NBAS: variants seen among roughly 807,000 people sequenced by gnomAD.
The protein encoded by NBAS is NBAS subunit of NRZ tethering complex.
Under a neutral mutation model 302.5 loss-of-function variants are expected in NBAS, and 219 were observed. The observed-to-expected ratio is 0.72, with a 90% CI of 0.65 to 0.81. The LOEUF (loss-of-function observed/expected upper bound fraction) is 0.81, where lower values mean the gene tolerates loss of function less well. Among genes scored for constraint, NBAS ranks in the 30% least tolerant of loss-of-function variants. The pLI is 0.00. For synonymous variants in NBAS, 1,118 were observed against 1,021.6 expected, an observed-to-expected ratio of 1.09 and a Z score of -1.80; for missense variants, 2,932 against 2,841.6, an observed-to-expected ratio of 1.03 and a Z score of -0.72.
At chr2:14,854,303 TAAAAG>T in the NBAS span, among the ~76,000 whole-genome samples, 1 of 151,030 alleles carries the variant, frequency 6.6e-6, no homozygotes, top group South Asian at 2.1e-4. Context: ...CCAAAATTAG[TAAAAG>T]AAAAGAAATA....
chr2:14,821,377 G>A, the NBAS span, among the ~76,000 whole-genome samples: 3 of 152,132 alleles, frequency 2.0e-5, no homozygotes, highest in Admixed American at 6.5e-5. Context: ...GTTATGTGAC[G>A]CTGATGATAT....
At chr2:15,071,605 T>C in the NBAS span, among the ~76,000 whole-genome samples, 9 of 136,038 alleles carry the variant, frequency 6.6e-5, no homozygotes, top group Admixed American at 7.9e-5. Context: ...GCCTGGGTGA[T>C]AGAGCAAGAC....
the NBAS span, among the ~76,000 whole-genome samples, chr2:15,071,763 T>C: frequency 3.9e-5 from 6 of 151,910 alleles, no homozygotes; most frequent in African/African-American, 1.5e-4. Flanking sequence ...CATGGATTTC[T>C]CCCGGGTGGT....
chr2:14,783,345 G>A, the NBAS span, among the ~76,000 whole-genome samples: 3 of 151,588 alleles, frequency 2.0e-5, no homozygotes, highest in African/African-American at 7.3e-5. Context: ...TATACTTTAA[G>A]TTTTAGGGTA....
the NBAS span, among the ~76,000 whole-genome samples, chr2:15,078,625 G>A: frequency 7.0e-4 from 106 of 152,292 alleles, no homozygotes; most frequent in Non-Finnish European, 1.2e-3. Context: ...CCCTATCTCT[G>A]AACCTCCTGG....
intron 7 of NBAS, among the ~76,000 whole-genome samples, chr2:15,536,844 AC>A (rs1335176590): frequency 1.3e-5 from 2 of 152,228 alleles, no homozygotes; most frequent in Non-Finnish European, 2.9e-5. Context: ...CAGAAAAAAA[AC>A]AAAGATAATG....
the NBAS span, among the ~76,000 whole-genome samples, chr2:15,001,340 T>C: frequency 1.3e-5 from 2 of 152,142 alleles, no homozygotes; most frequent in African/African-American, 2.4e-5. Flanking sequence ...GTGCTACATG[T>C]GATTTTATAT....
At chr2:14,960,474 A>C in the NBAS span, among the ~76,000 whole-genome samples, 1 of 152,180 alleles carries the variant, frequency 6.6e-6, no homozygotes, top group Non-Finnish European at 1.5e-5. Flanking sequence ...CTGTGCATTA[A>C]GTCTTCTAAT....
At chr2:15,397,532 A>G in intron 26 of NBAS, 1 of 600,998 alleles carries the variant, frequency 1.7e-6, no homozygotes, top group African/African-American at 1.9e-5. Flanking sequence ...TCAATTCCTG[A>G]CTATTTTGCT....
chr2:15,012,879 C>A, the NBAS span, among the ~76,000 whole-genome samples: 2 of 150,534 alleles, frequency 1.3e-5, no homozygotes, highest in Non-Finnish European at 3.0e-5. Flanking sequence ...TTTTTTTGAG[C>A]CAGAGCCTCA....
chr2:15,418,739 A>G (rs185007250), intron 23 of NBAS, among the ~76,000 whole-genome samples: 1 of 152,286 alleles, frequency 6.6e-6, no homozygotes, highest in East Asian at 1.9e-4. Context: ...GAATGCAGAG[A>G]TGCATGGTGA....
intron 51 of NBAS, among the ~76,000 whole-genome samples, chr2:15,170,402 G>A (rs1664240514): frequency 1.3e-5 from 2 of 152,196 alleles, no homozygotes; most frequent in South Asian, 4.1e-4. Context: ...GGCTGAGAAT[G>A]CCTAAGGCTA....
chr2:15,459,062 C>T (rs1184872486), intron 21 of NBAS, among the ~76,000 whole-genome samples: 4 of 152,184 alleles, frequency 2.6e-5, no homozygotes, highest in Admixed American at 1.3e-4. Flanking sequence ...AACCACAGGG[C>T]ATTCAAAGAA....
At chr2:15,179,809 A>C (rs562771412) in intron 50 of NBAS, 1 of 152,376 alleles carries the variant, frequency 6.6e-6, no homozygotes, top group African/African-American at 2.4e-5. Context: ...TATTTTACCA[A>C]CTGAACCTGT....
chr2:15,280,477 C>T (rs73915094), intron 42 of NBAS, among the ~76,000 whole-genome samples: 4,147 of 152,158 alleles, frequency 0.027, 169 homozygotes, highest in African/African-American at 0.093. Context: ...ACTCTTGTTG[C>T]TATTAGCTCA....
intron 9 of NBAS, among the ~76,000 whole-genome samples, chr2:15,531,019 C>G (rs184350372): frequency 5.9e-4 from 90 of 152,172 alleles, no homozygotes; most frequent in Non-Finnish European, 9.7e-4. Flanking sequence ...GAAAATAGAA[C>G]AATACCTTCA....
intron 24 of NBAS, among the ~76,000 whole-genome samples, chr2:15,417,234 A>T (rs1277668451): frequency 2.0e-5 from 3 of 152,242 alleles, no homozygotes; most frequent in Admixed American, 6.5e-5. Context: ...GAAAGGTTAA[A>T]TACAGGATTA....
At chr2:15,318,407 A>C (rs901925768) in intron 38 of NBAS, among the ~76,000 whole-genome samples, 1 of 152,208 alleles carries the variant, frequency 6.6e-6, no homozygotes, top group Admixed American at 6.5e-5. Flanking sequence ...ATATTAACCT[A>C]AATATAAATG....
At chr2:15,093,233 T>C in the NBAS span, among the ~76,000 whole-genome samples, 2 of 152,180 alleles carry the variant, frequency 1.3e-5, no homozygotes, top group South Asian at 4.2e-4. Flanking sequence ...CTGGCCAACA[T>C]GGTAAAACCC....
Sources: allele counts gnomAD v4.1 joint callset (sites outside exome capture counted in the v4.1 genomes callset), GRCh38; gene constraint gnomAD v4.1.1; transcripts MANE v1.5; gene names NCBI Gene and HGNC (gene_info 2026-07-23, HGNC 2026-07-21).